The following PPP6R3 variants were observed in gnomAD, a reference collection of about 807,000 sequenced individuals.
The protein encoded by PPP6R3 is protein phosphatase 6 regulatory subunit 3, also known as serine/threonine-protein phosphatase 6 regulatory subunit 3.
Under a neutral mutation model 110.7 loss-of-function variants are expected in PPP6R3, and 38 were observed. That is an observed-to-expected ratio of 0.34 (90% CI 0.26 to 0.45). PPP6R3 has a LOEUF of 0.45. Ranked by LOEUF, PPP6R3 falls within the 20% of genes least tolerant of loss-of-function variation. The probability of loss-of-function intolerance (pLI) is 1.00; values close to 1 mark genes in which losing one functional copy is unlikely to be tolerated. For synonymous variants in PPP6R3, 369 were observed against 373.5 expected, an observed-to-expected ratio of 0.99 and a Z score of 0.14; for missense variants, 870 against 1,062.4, an observed-to-expected ratio of 0.82 and a Z score of 2.52.
intron 8 of PPP6R3, 70 bp downstream of exon 8, chr11:68,558,749 A>G (rs2153724163): frequency 8.3e-7 from 1 of 1,200,820 alleles, no homozygotes; most frequent in Non-Finnish European, 1.2e-6. Context: ...TTAAATTCTT[A>G]GTGGATAAGC....
chr11:68,575,458 G>A (rs557674815), intron 13 of PPP6R3, among the ~76,000 whole-genome samples: 61 of 152,274 alleles, frequency 4.0e-4, no homozygotes, highest in African/African-American at 1.2e-3. Context: ...GCCATACTAG[G>A]TTCTGTGGAA....
intron 7 of PPP6R3, among the ~76,000 whole-genome samples, chr11:68,555,880 C>T (rs1449394526): frequency 6.6e-6 from 1 of 152,194 alleles, no homozygotes; most frequent in Non-Finnish European, 1.5e-5. Flanking sequence ...CATAGTGCTT[C>T]CCACAGTCTG....
intron 13 of PPP6R3, among the ~76,000 whole-genome samples, chr11:68,575,441 T>A (rs972569909): frequency 6.6e-6 from 1 of 152,202 alleles, no homozygotes; most frequent in African/African-American, 2.4e-5. Flanking sequence ...TTAGAGCAAT[T>A]TGAAAAGCCA....
At chr11:68,477,741 A>AAAAAAAAATATAT in intron 1 of PPP6R3, among the ~76,000 whole-genome samples, 5 of 57,908 alleles carry the variant, frequency 8.6e-5, no homozygotes, top group Middle Eastern at 0.023. Flanking sequence ...AAAAAAAAAA[A>AAAAAAAAATATAT]ATATATATAT....
At chr11:68,545,934 G>A (rs1009774704) in intron 4 of PPP6R3, among the ~76,000 whole-genome samples, 13 of 152,290 alleles carry the variant, frequency 8.5e-5, no homozygotes, top group African/African-American at 2.2e-4. Context: ...GTGATGATAC[G>A]GGGCAAAAGT....
intron 1 of PPP6R3, among the ~76,000 whole-genome samples, chr11:68,473,245 T>C (rs967526589): frequency 6.6e-5 from 10 of 152,098 alleles, no homozygotes; most frequent in Admixed American, 4.6e-4. Context: ...TTGCTGAACA[T>C]TGAATTGATC....
intron 21 of PPP6R3, 52 bp downstream of exon 21, chr11:68,602,021 A>C: frequency 1.4e-6 from 2 of 1,411,922 alleles, no homozygotes; most frequent in Non-Finnish European, 9.7e-7. Flanking sequence ...CTGCTTTGTC[A>C]AACCAGACCT....
chr11:68,479,756 T>C (rs1394848206), intron 1 of PPP6R3, among the ~76,000 whole-genome samples: 1 of 152,128 alleles, frequency 6.6e-6, no homozygotes, highest in African/African-American at 2.4e-5. Flanking sequence ...TCTTTTTTTT[T>C]GAGACAGGTC....
At chr11:68,497,151 A>T (rs1425266399) in intron 1 of PPP6R3, among the ~76,000 whole-genome samples, 2 of 142,604 alleles carry the variant, frequency 1.4e-5, no homozygotes, top group African/African-American at 5.3e-5. Context: ...GGTTCACGCC[A>T]TTCTCCTGCC....
chr11:68,553,095 CTCT>C (rs2099387150), intron 6 of PPP6R3, among the ~76,000 whole-genome samples: 1 of 152,152 alleles, frequency 6.6e-6, no homozygotes, highest in South Asian at 2.1e-4. Flanking sequence ...GTGCTCTCCT[CTCT>C]TCTAGAATAT....
intron 8 of PPP6R3, among the ~76,000 whole-genome samples, chr11:68,563,258 A>G (rs2099434547): frequency 6.6e-6 from 1 of 152,172 alleles, no homozygotes; most frequent in Non-Finnish European, 1.5e-5. Flanking sequence ...TCTAAGATCA[A>G]GGTGTTGGTG....
intron 2 of PPP6R3, among the ~76,000 whole-genome samples, chr11:68,527,686 C>T (rs970195737): frequency 1.3e-5 from 2 of 152,200 alleles, no homozygotes; most frequent in African/African-American, 2.4e-5. Context: ...GCATACTTTC[C>T]TCAGTTAAAA....
intron 8 of PPP6R3, among the ~76,000 whole-genome samples, chr11:68,561,560 A>G (rs1310193040): frequency 1.3e-5 from 2 of 152,232 alleles, no homozygotes; most frequent in Admixed American, 6.5e-5. Context: ...AGGATAATAT[A>G]TATCATAACA....
At chr11:68,583,199 CAGCTTCAG>C in intron 15 of PPP6R3, 70 bp downstream of exon 15, 2 of 1,189,878 alleles carry the variant, frequency 1.7e-6, no homozygotes, top group East Asian at 2.6e-5. Flanking sequence ...TTTTATGAAT[CAGCTTCAG>C]AGTCAGATTA....
intron 1 of PPP6R3, among the ~76,000 whole-genome samples, chr11:68,471,201 A>G (rs1385760740): frequency 1.3e-5 from 2 of 150,968 alleles, no homozygotes; most frequent in Non-Finnish European, 3.0e-5. Context: ...GGAGAGTGGC[A>G]TGAACCCGGG....
chr11:68,509,311 T>C (rs979903535), intron 1 of PPP6R3, among the ~76,000 whole-genome samples: 8 of 152,224 alleles, frequency 5.3e-5, no homozygotes, highest in African/African-American at 1.4e-4. Context: ...TGTGCTGTAG[T>C]ATGTCTGGAT....
chr11:68,548,719 G>T (rs909104755), intron 5 of PPP6R3, among the ~76,000 whole-genome samples: 2 of 152,162 alleles, frequency 1.3e-5, no homozygotes, highest in African/African-American at 4.8e-5. Flanking sequence ...TTTACTTTGA[G>T]AAGGACATAT....
intron 2 of PPP6R3, among the ~76,000 whole-genome samples, chr11:68,536,791 G>C (rs1326299819): frequency 6.6e-6 from 1 of 152,176 alleles, no homozygotes; most frequent in African/African-American, 2.4e-5. Context: ...TCTGGTTTAG[G>C]AATTCTGCAG....
intron 5 of PPP6R3, among the ~76,000 whole-genome samples, chr11:68,550,245 ATTTTCCTTTGT>A (rs2099365570): frequency 6.6e-6 from 1 of 152,002 alleles, no homozygotes; most frequent in African/African-American, 2.4e-5. Context: ...ATAGCTTCAC[ATTTTCCTTTGT>A]TTGGTGTTTT....
Sources: gnomAD v4.1 joint callset for allele counts (sites outside exome capture counted in the v4.1 genomes callset) on GRCh38, gnomAD v4.1.1 for gene constraint, MANE v1.5 for transcripts, NCBI Gene and HGNC (gene_info 2026-07-23, HGNC 2026-07-21) for gene names.